The following PCDH15 variants were observed in gnomAD, a reference collection of about 807,000 sequenced individuals.
The protein encoded by PCDH15 is protocadherin-15.
Under a neutral mutation model 178.5 loss-of-function variants are expected in PCDH15, and 129 were observed. That is an observed-to-expected ratio of 0.72 (90% CI 0.63 to 0.84). PCDH15 has a LOEUF of 0.84. Among genes scored for constraint, PCDH15 ranks in the 40% least tolerant of loss-of-function variants. The probability of loss-of-function intolerance (pLI) is 0.00; values close to 1 mark genes in which losing one functional copy is unlikely to be tolerated. For synonymous variants in PCDH15, 800 were observed against 732.0 expected, an observed-to-expected ratio of 1.09 and a Z score of -1.50; for missense variants, 2,230 against 2,099.9, an observed-to-expected ratio of 1.06 and a Z score of -1.21.
chr10:55,470,519 A>T (rs918062376), intron 2 of PCDH15, among the ~76,000 whole-genome samples: 14 of 152,200 alleles, frequency 9.2e-5, no homozygotes, highest in Admixed American at 2.0e-4. Context: ...CAGTTTTTTT[A>T]AAATTGCCTT....
intron 18 of PCDH15, among the ~76,000 whole-genome samples, chr10:54,034,233 C>T (rs2135450128): frequency 6.6e-6 from 1 of 151,990 alleles, no homozygotes; most frequent in East Asian, 1.9e-4. Context: ...TCAATCATTT[C>T]ATTTGCTGAA....
At chr10:54,987,730 T>G (rs1486608173) in intron 2 of PCDH15, among the ~76,000 whole-genome samples, 1 of 151,990 alleles carries the variant, frequency 6.6e-6, no homozygotes, top group East Asian at 1.9e-4. Context: ...TTGTACATTT[T>G]TTTAAGTTCC....
chr10:55,256,760 A>C (rs1404610940), intron 1 of PCDH15, among the ~76,000 whole-genome samples: 1 of 152,216 alleles, frequency 6.6e-6, no homozygotes, highest in Non-Finnish European at 1.5e-5. Context: ...CCGCAGCTCA[A>C]GGAGGCCTGC....
chr10:55,123,050 TG>T (rs1175117107), intron 2 of PCDH15, among the ~76,000 whole-genome samples: 1 of 152,006 alleles, frequency 6.6e-6, no homozygotes, highest in African/African-American at 2.4e-5. Context: ...GCTTATGGCA[TG>T]GAACATGGAA....
intron 3 of PCDH15, among the ~76,000 whole-genome samples, chr10:54,855,183 T>C (rs1183059289): frequency 6.6e-6 from 1 of 152,148 alleles, no homozygotes; most frequent in Non-Finnish European, 1.5e-5. Flanking sequence ...TTTTCAAGCT[T>C]GCAAGGGCAG....
chr10:54,634,399 T>A (rs772436317), intron 2 of PCDH15, among the ~76,000 whole-genome samples: 101 of 152,234 alleles, frequency 6.6e-4, no homozygotes, highest in Non-Finnish European at 1.1e-3. Flanking sequence ...TCAGCAGCAG[T>A]TACAATTTGT....
chr10:55,040,043 T>C (rs1290172266), intron 2 of PCDH15, among the ~76,000 whole-genome samples: 1 of 151,624 alleles, frequency 6.6e-6, no homozygotes, highest in East Asian at 1.9e-4. Flanking sequence ...AAATTTAACA[T>C]AACCAAGAAA....
At chr10:54,140,439 A>G (rs1014300669) in intron 14 of PCDH15, among the ~76,000 whole-genome samples, 2 of 151,880 alleles carry the variant, frequency 1.3e-5, no homozygotes, top group African/African-American at 4.8e-5. Context: ...TGAGTAGAAG[A>G]TAAATTGAGG....
chr10:54,596,644 G>A (rs760714900), intron 2 of PCDH15, among the ~76,000 whole-genome samples: 1 of 151,998 alleles, frequency 6.6e-6, no homozygotes, highest in Non-Finnish European at 1.5e-5. Context: ...CAATTAAAAG[G>A]CACAGAATGT....
chr10:54,391,951 A>G (rs565254457), intron 3 of PCDH15, among the ~76,000 whole-genome samples: 2 of 152,304 alleles, frequency 1.3e-5, no homozygotes, highest in East Asian at 3.9e-4. Flanking sequence ...TTATGAGTTA[A>G]AGCTTAAGTG....
At chr10:55,448,249 T>C (rs986988105) in intron 2 of PCDH15, among the ~76,000 whole-genome samples, 2 of 152,000 alleles carry the variant, frequency 1.3e-5, no homozygotes, top group African/African-American at 2.4e-5. Flanking sequence ...AAATCAAACA[T>C]GGAACTGCAT....
chr10:54,697,666 G>GGAAGGAAGGGGAA (rs1266428907), intron 1 of PCDH15, among the ~76,000 whole-genome samples: 1 of 64,340 alleles, frequency 1.6e-5, no homozygotes, highest in African/African-American at 7.1e-5. Context: ...GGAAGGGGAA[G>GGAAGGAAGGGGAA]GGGGAAGGGG....
chr10:54,480,009 C>A lies in PCDH15; in HGVS notation c.157+47803G>T, dbSNP rs1413457526. 2.0e-5 allele frequency among the ~76,000 whole-genome samples: 3 copies of A among 151,960 alleles called. No individual in the cohort carries two copies. The East Asian group carries it at 5.8e-4, about 29-fold the overall frequency. ...TTTGCCTCGAAATATAATTATGACT[C>A]ACTAGAGTTGAAAATAAAAATTACT... On this transcript the variant is annotated intron_variant, in intron 3 of 37. Coordinates refer to ENST00000644397, the MANE Select transcript of PCDH15 (RefSeq NM_001384140.1).
At chr10:55,478,839 TA>T (rs1840113595) in intron 2 of PCDH15, among the ~76,000 whole-genome samples, 1 of 150,176 alleles carries the variant, frequency 6.7e-6, no homozygotes, top group Admixed American at 6.7e-5. Flanking sequence ...GATCATTAAA[TA>T]ATATTATTAA....
chr10:54,294,800 C>T (rs766734260), intron 8 of PCDH15, among the ~76,000 whole-genome samples: 1 of 152,180 alleles, frequency 6.6e-6, no homozygotes, highest in Non-Finnish European at 1.5e-5. Flanking sequence ...AAAAAGTAAA[C>T]ACTCCTAATT....
intron 3 of PCDH15, among the ~76,000 whole-genome samples, chr10:54,411,476 A>G (rs1444049676): frequency 6.6e-6 from 1 of 152,182 alleles, no homozygotes; most frequent in Non-Finnish European, 1.5e-5. Flanking sequence ...TCACAATTCT[A>G]TCAGTCACTA....
chr10:54,392,554 G>T (rs1950685982), intron 3 of PCDH15, among the ~76,000 whole-genome samples: 1 of 147,988 alleles, frequency 6.8e-6, no homozygotes, highest in South Asian at 2.1e-4. Context: ...TCTGTCCTTA[G>T]ATCATATTGA....
chr10:54,798,222 C>G (rs1158139811), intron 1 of PCDH15, among the ~76,000 whole-genome samples: 1 of 151,656 alleles, frequency 6.6e-6, no homozygotes, highest in Non-Finnish European at 1.5e-5. Context: ...ACTATGAGCA[C>G]TAATGAGTCA....
At chr10:55,574,965 C>A (rs1024188133) in intron 2 of PCDH15, among the ~76,000 whole-genome samples, 2 of 151,988 alleles carry the variant, frequency 1.3e-5, no homozygotes, top group African/African-American at 4.8e-5. Flanking sequence ...ATAGTTATCT[C>A]TATATATACT....
Sources: gnomAD v4.1 joint callset for allele counts (sites outside exome capture counted in the v4.1 genomes callset) on GRCh38, gnomAD v4.1.1 for gene constraint, MANE v1.5 for transcripts, NCBI Gene and HGNC (gene_info 2026-07-23, HGNC 2026-07-21) for gene names.